The following SPATA24 variants were observed in gnomAD, a reference collection of about 807,000 sequenced individuals.
SPATA24 encodes spermatogenesis associated 24.
A neutral mutation model predicts 28.9 loss-of-function variants in SPATA24; 21 were observed. That is an observed-to-expected ratio of 0.73 (90% CI 0.52 to 1.05). SPATA24 has a LOEUF of 1.05. SPATA24 is among the 50% of genes least tolerant of loss of function. The pLI is 0.00. For synonymous variants in SPATA24, 76 were observed against 89.9 expected, an observed-to-expected ratio of 0.85 and a Z score of 0.88; for missense variants, 215 against 242.9, an observed-to-expected ratio of 0.88 and a Z score of 0.76.
At position 139,403,947 on chromosome 5, in the gene SPATA24, G is replaced by T; in HGVS notation, c.114C>A (p.Asn38Lys). The change falls in exon 1 of 6, where the codon AAC becomes AAA. Residue 38 changes from asparagine (N) to lysine (K), a missense_variant. Coordinates refer to ENST00000450845, the MANE Select transcript of SPATA24 (RefSeq NM_194296.2). ...CCAAACTCCTCTGGCTGCATACCACGTTCCTCAGCTGGTGGATTAGTTCCT... is the reference window on the plus strand; with the variant it reads ...CCAAACTCCTCTGGCTGCATACCACTTTCCTCAGCTGGTGGATTAGTTCCT... ...SQEELIHQLR[N>K]VMVLQDENFV... 6.4e-7 allele frequency: 1 copy of T among 1,551,248 alleles called. No individual in the cohort carries two copies. The highest frequency in any genetic ancestry group is 2.4e-5 in the East Asian group (1 of 40,920).
At chr5:139,393,595 G>T (rs1250323117), downstream of SPATA24, 15 of 1,550,638 alleles carry the variant, frequency 9.7e-6, no homozygotes, top group Non-Finnish European at 1.0e-5. Flanking sequence ...CGGCGGGGAC[G>T]GGCTGCTACG....
chr5:139,394,748 C>T, downstream of SPATA24: 1 of 1,534,076 alleles, frequency 6.5e-7, no homozygotes, highest in Non-Finnish European at 8.7e-7. Flanking sequence ...AAGATGACTT[C>T]CATCTCCCCC....
At chr5:139,402,546 G>GCTAATA in intron 2 of SPATA24, 82 bp downstream of exon 2, 1 of 1,292,124 alleles carries the variant, frequency 7.7e-7, no homozygotes, top group Non-Finnish European at 1.1e-6. Flanking sequence ...CCCATCAGAG[G>GCTAATA]CTAATACTTA....
In SPATA24 at chr5:139,401,769, A is replaced by G; in HGVS notation, c.371T>C (p.Ile124Thr). 1.3e-6 allele frequency: 2 copies of G among 1,551,338 alleles called. No homozygotes were observed. The highest frequency in any genetic ancestry group is 1.7e-6 in the Non-Finnish European group (2 of 1,146,798). ...CTCCCGCCTACCATTGCACTTGGTG[A>G]TGAGCTGGTCCTTCTTGCTGGACTC... ...LQESSKKDQL[I>T]TKCNEIESHI... Residue 124 changes from isoleucine to threonine, a missense_variant, in exon 4 of 6, where the codon ATC becomes ACC. Ile to Thr is a moderately conservative substitution (Grantham distance 89). Transcript: ENST00000450845.
chr5:139,394,999 G>T (rs1317406231), downstream of SPATA24: 3 of 1,491,800 alleles, frequency 2.0e-6, no homozygotes, highest in Middle Eastern at 2.0e-4. Flanking sequence ...TGACGAACCG[G>T]AGGAGTCCTG....
downstream of SPATA24, chr5:139,393,266 C>A (rs1758631521): frequency 6.5e-7 from 1 of 1,549,772 alleles, no homozygotes; most frequent in Non-Finnish European, 8.7e-7. Flanking sequence ...GGACCCAAGA[C>A]TTCCGGGCAC....
At position 139,402,067 on chromosome 5, in the gene SPATA24, C is replaced by T. The variant is rs773374209; in HGVS notation, c.184-22G>A. ...CTTCCTGCAGGGGCAGCAGCAGTCA[C>T]CTCATTACCCTAGGCCGCCTTGGGT... is the stretch of plus-strand genomic sequence containing the variant. On this transcript the variant is annotated intron_variant, in intron 2 of 5. Transcript: ENST00000450845. 9.7e-6 allele frequency: 15 copies of T among 1,548,786 alleles called. No homozygotes were observed. The South Asian group carries it at 1.2e-4, about 12-fold the overall frequency.
intron 1 of SPATA24, among the ~76,000 whole-genome samples, chr5:139,403,484 A>C (rs1758865363): frequency 6.6e-6 from 1 of 152,210 alleles, no homozygotes; most frequent in Non-Finnish European, 1.5e-5. Context: ...AGAAGGCAAA[A>C]GCTAAGGCAT....
In SPATA24 at chr5:139,397,147, TG is replaced by T. The variant is rs1235821971; in HGVS notation, c.386-5del. 3 of 1,550,428 alleles carry T rather than the reference TG, an allele frequency of 1.9e-6. No homozygotes were observed. On this transcript the variant is annotated splice_polypyrimidine_tract_variant and splice_region_variant and intron_variant, in intron 4 of 5. Transcript: ENST00000450845. ...TTTATAATGTGAGACTCAATCTCTG[TG>T]GGGGAGAGAGGCAGGGAGGAGGGGT...
chr5:139,396,372 G>A (rs1758705724), downstream of SPATA24: 3 of 985,430 alleles, frequency 3.0e-6, no homozygotes, highest in Non-Finnish European at 3.6e-6. Flanking sequence ...TGAAGCTCCC[G>A]TTTGGGGGAG....
downstream of SPATA24, chr5:139,396,616 A>T (rs1323197120): frequency 1.7e-5 from 25 of 1,445,940 alleles, no homozygotes; most frequent in East Asian, 6.4e-4. Flanking sequence ...ACCCAAAGGA[A>T]GCGGTGGTGC....
At chr5:139,393,418 C>T, downstream of SPATA24, 1 of 1,551,646 alleles carries the variant, frequency 6.4e-7, no homozygotes, top group Non-Finnish European at 8.7e-7. Flanking sequence ...TTCTGGAGTG[C>T]CGGGTGCGGA....
chr5:139,393,588 C>A (rs1221005103), downstream of SPATA24: 1 of 1,550,806 alleles, frequency 6.4e-7, no homozygotes, highest in Non-Finnish European at 8.7e-7. Flanking sequence ...AGAAGGCCGG[C>A]GGGGACGGGC....
downstream of SPATA24, chr5:139,393,331 A>G (rs376257702): frequency 6.6e-4 from 1,025 of 1,550,918 alleles, no homozygotes; most frequent in Non-Finnish European, 8.7e-4. Context: ...GGGTGCTGCT[A>G]CCTCTGGGGA....
At chr5:139,393,992 C>T (rs1393955130), downstream of SPATA24, 5 of 1,550,650 alleles carry the variant, frequency 3.2e-6, no homozygotes, top group Non-Finnish European at 1.7e-6. Flanking sequence ...ACAGTTCGAT[C>T]CGGCGCCTCT....
chr5:139,393,906 G>A (rs1186540155), downstream of SPATA24: 4 of 1,551,054 alleles, frequency 2.6e-6, no homozygotes, highest in South Asian at 2.4e-5. Flanking sequence ...GCGGGGACGG[G>A]CTCCTTGGCC....
intron 4 of SPATA24, among the ~76,000 whole-genome samples, chr5:139,400,622 G>A (rs1411499861): frequency 6.6e-6 from 1 of 151,964 alleles, no homozygotes; most frequent in East Asian, 1.9e-4. Flanking sequence ...CTTAAACTGG[G>A]TAAGGGGAGT....
At position 139,404,014 on chromosome 5, in the gene SPATA24, C is replaced by T. The variant is rs1171486205; in HGVS notation, c.47G>A (p.Cys16Tyr). 1.9e-6 allele frequency: 3 copies of T among 1,551,972 alleles called. No individual in the cohort carries two copies. In the Admixed American group the frequency reaches 5.9e-5, roughly 30 times the overall value. Residue 16 changes from cysteine (C) to tyrosine (Y), a missense_variant, in exon 1 of 6, where the codon TGT becomes TAT. Cys to Tyr is a radical substitution (Grantham distance 194). Transcript: ENST00000450845. ...GWSKAGSGSV[C>Y]LALDQLRDVI... ...GTCCCGCAGTTGATCTAAAGCGAGA[C>T]ACACAGATCCTGACCCCGCCTTCGA...
chr5:139,396,610 A>G (rs1225841450), downstream of SPATA24: 2 of 1,436,574 alleles, frequency 1.4e-6, no homozygotes, highest in Non-Finnish European at 1.8e-6. Context: ...TTAAATACCC[A>G]AAGGAAGCGG....
Sources: gnomAD v4.1 joint callset for allele counts (sites outside exome capture counted in the v4.1 genomes callset) on GRCh38, gnomAD v4.1.1 for gene constraint, MANE v1.5 for transcripts, NCBI Gene and HGNC (gene_info 2026-07-23, HGNC 2026-07-21) for gene names.